Variants in NUP153 observed in about 807,000 individuals in gnomAD.
NUP153 encodes nucleoporin 153.
In NUP153, 27 loss-of-function variants were observed where a neutral mutation model predicts 134.6. The observed-to-expected ratio is 0.20, with a 90% CI of 0.15 to 0.28. The LOEUF (loss-of-function observed/expected upper bound fraction) is 0.28. Among genes scored for constraint, NUP153 ranks in the 10% least tolerant of loss-of-function variants. The pLI is 1.00. For missense variants in NUP153, 1,821 were observed against 1,731.3 expected (o/e 1.05, Z -0.92); for synonymous variants, 640 against 623.5 (o/e 1.03, Z -0.40).
At chr6:17,619,350 T>C (rs1764522591) in intron 20 of NUP153, among the ~76,000 whole-genome samples, 1 of 152,202 alleles carries the variant, frequency 6.6e-6, no homozygotes, top group South Asian at 2.1e-4. Context: ...AGATGTGCTG[T>C]ATCAGAAAAT....
At position 17,666,953 on chromosome 6, in the gene NUP153, T is replaced by C. The variant is rs192800669; in HGVS notation, c.1069-1568A>G. On this transcript the variant is annotated intron_variant, in intron 8 of 21. Coordinates refer to ENST00000262077, the MANE Select transcript of NUP153 (RefSeq NM_005124.4). Reference sequence around the variant, plus strand: ...CCTTACATACAACTCAATAAGAGAGTCTATTTTGTAGACTGTTCTGATAAC... The same window carrying C: ...CCTTACATACAACTCAATAAGAGAGCCTATTTTGTAGACTGTTCTGATAAC... Among the ~76,000 whole-genome samples the C allele has an allele frequency of 3.3e-3, 509 of 152,204 alleles. 2 individuals carry two copies. Among genetic ancestry groups the C allele is most frequent in the Non-Finnish European group, 5.2e-3 (351 of 68,004 alleles).
chr6:17,706,493 T>C lies in NUP153; in HGVS notation c.-106A>G, dbSNP rs1485758445. On this transcript the variant is annotated 5_prime_UTR_variant, in exon 1 of 22. Transcript: ENST00000262077. This position sits in a 1 kb window ranked among gnomAD's most constrained non-coding sequence, Gnocchi z 5.9. ...CCGCCGCCCGGCCCCGGCCCAAAAG[T>C]CCGCCCGCGCTGTCCACACAGTGGG... 1 of 799,380 alleles carries C rather than the reference T, an allele frequency of 1.3e-6. No homozygotes were observed. The highest frequency in any genetic ancestry group is 2.0e-6 in the Non-Finnish European group (1 of 511,186). 49.5% of individuals were successfully genotyped at this position (799,380 alleles called of 1,614,324 possible).
intron 15 of NUP153, among the ~76,000 whole-genome samples, chr6:17,639,079 CCTTT>C (rs963447281): frequency 1.3e-5 from 2 of 151,210 alleles, no homozygotes; most frequent in South Asian, 2.1e-4. Context: ...TTTTTCTTTT[CCTTT>C]CTTTTTTTTT....
At chr6:17,681,890 T>A (rs531315608) in intron 2 of NUP153, among the ~76,000 whole-genome samples, 2 of 151,962 alleles carry the variant, frequency 1.3e-5, no homozygotes, top group African/African-American at 4.8e-5. Context: ...ACCTAGTATA[T>A]ACAGAAACCA....
Position 17,649,143 on chromosome 6 carries a change from T to C in NUP153, c.1533+20A>G, listed in dbSNP as rs1766372711. The stretch of plus-strand genomic sequence containing the variant: ...TAAGAAAGAACAAATGTCACCTGTA[T>C]TTATATAATGGTTTTGTACCTTGTT... On this transcript the variant is annotated intron_variant, in intron 12 of 21. Transcript: ENST00000262077. The C allele has an allele frequency of 1.3e-6, 2 of 1,591,760 alleles. No homozygotes were observed. Among genetic ancestry groups the C allele is most frequent in the Admixed American group, 1.8e-5 (1 of 55,038 alleles).
chr6:17,641,083 C>G (rs1328559466), intron 14 of NUP153, among the ~76,000 whole-genome samples: 1 of 152,152 alleles, frequency 6.6e-6, no homozygotes, highest in Non-Finnish European at 1.5e-5. Flanking sequence ...ATTTAGAGAT[C>G]TACATTTTCA....
At chr6:17,667,749 T>C (rs1767627020) in intron 8 of NUP153, among the ~76,000 whole-genome samples, 1 of 152,140 alleles carries the variant, frequency 6.6e-6, no homozygotes, top group South Asian at 2.1e-4. Flanking sequence ...AATCCAACAG[T>C]CTGCTTTCCC....
Position 17,674,969 on chromosome 6 carries a change from T to C in NUP153, c.788A>G (p.Lys263Arg). The stretch of plus-strand genomic sequence containing the variant: ...AGCTGCTGCCCCACCGTATGTTGTT[T>C]TTCCAGGATAAAAAGGAGAATCTCC... ...QLGDSPFYPG[K>R]TTYGGAAAAV... The change falls in exon 5 of 22, where the codon AAA becomes AGA. Residue 263 changes from lysine (K) to arginine (R), a missense_variant. Lys to Arg is a conservative substitution (Grantham distance 26, BLOSUM62 2). Coordinates refer to ENST00000262077, the MANE Select transcript of NUP153 (RefSeq NM_005124.4). 1 of 1,613,908 alleles carries C rather than the reference T, an allele frequency of 6.2e-7. No homozygotes were observed. The highest frequency in any genetic ancestry group is 1.1e-5 in the South Asian group (1 of 91,066).
chr6:17,686,605 C>T (rs1768948063), intron 2 of NUP153, among the ~76,000 whole-genome samples: 1 of 150,952 alleles, frequency 6.6e-6, no homozygotes, highest in African/African-American at 2.4e-5. Context: ...CCATGTTAGC[C>T]AGGATGGTCT....
At chr6:17,630,710 G>A (rs1265781099) in intron 17 of NUP153, among the ~76,000 whole-genome samples, 5 of 143,632 alleles carry the variant, frequency 3.5e-5, no homozygotes, top group Non-Finnish European at 4.6e-5. Flanking sequence ...GACGGGAGAC[G>A]AGAGGGGAGG....
rs556669168 is a variant in NUP153, at chr6:17,658,137, C to T, written c.1395+3516G>A. 9.2e-5 allele frequency among the ~76,000 whole-genome samples: 14 copies of T among 152,320 alleles called. No individual in the cohort carries two copies. In the South Asian group the frequency reaches 1.7e-3, roughly 18 times the overall value. ...AAAGGAGGCTGGGCGTGATGGCTCA[C>T]GCCTATAATCCCAGCACTCTGGGAG... On this transcript the variant is annotated intron_variant, in intron 11 of 21. Coordinates refer to ENST00000262077, the MANE Select transcript of NUP153 (RefSeq NM_005124.4).
At chr6:17,665,097 T>C (rs554353808) in intron 9 of NUP153, 142 bp downstream of exon 9, 2 of 384,324 alleles carry the variant, frequency 5.2e-6, no homozygotes, top group African/African-American at 2.2e-5. Context: ...TTTAAAAGCA[T>C]ACCAATTCAT....
At chr6:17,626,806 T>C (rs1314983134) in intron 18 of NUP153, among the ~76,000 whole-genome samples, 1 of 152,204 alleles carries the variant, frequency 6.6e-6, no homozygotes, top group Non-Finnish European at 1.5e-5. Context: ...AATTTTAGAA[T>C]AAGTTTAGCT....
intron 11 of NUP153, among the ~76,000 whole-genome samples, chr6:17,660,561 T>C (rs908373860): frequency 6.6e-6 from 1 of 151,558 alleles, no homozygotes; most frequent in Non-Finnish European, 1.5e-5. Flanking sequence ...TATATACATA[T>C]ACATACATAT....
Position 17,637,357 on chromosome 6 carries a change from C to T in NUP153, c.2260G>A (p.Val754Met), listed in dbSNP as rs770924806. The T allele has an allele frequency of 1.7e-5, 27 of 1,614,212 alleles. No individual in the cohort carries two copies. Among genetic ancestry groups the T allele is most frequent in the East Asian group, 1.6e-4 (7 of 44,878 alleles). ...ACETPKPGTC[V>M]KRALTLTVVS... ...ACTGTCAATGTAAGGGCTCGCTTCA[C>T]ACAAGTTCCAGGTTTCGGTGTTTCA... The change falls in exon 16 of 22, where the codon GTG (valine) becomes ATG (methionine). Residue 754 changes from valine (V) to methionine (M), a missense_variant. Coordinates refer to ENST00000262077, the MANE Select transcript of NUP153 (RefSeq NM_005124.4).
chr6:17,665,877 CAGGGTCTCG>C (rs1767505393), intron 8 of NUP153, among the ~76,000 whole-genome samples: 1 of 151,862 alleles, frequency 6.6e-6, no homozygotes. Context: ...TTTGTAGAGA[CAGGGTCTCG>C]CCATGTTGCT....
chr6:17,669,293 A>G lies in NUP153; in HGVS notation c.1014T>C (p.Ser338=). 1 of 1,609,628 alleles carries G rather than the reference A, an allele frequency of 6.2e-7. No individual in the cohort carries two copies. The highest frequency in any genetic ancestry group is 1.1e-5 in the South Asian group (1 of 90,776). Residue 338 remains serine, a splice_region_variant and synonymous_variant, in exon 7 of 22, where the codon TCT becomes TCC. Transcript: ENST00000262077. ...TAAAAAGGTTTAAATCTCAACTTACAGAATTCAGAGGAGAAGAAACAATGG... is the reference window on the plus strand; with the variant it reads ...TAAAAAGGTTTAAATCTCAACTTACGGAATTCAGAGGAGAAGAAACAATGG... ...IPSIVSSPLN[S]PLDRSGIDIT...
At chr6:17,651,350 A>G (rs1223721818) in intron 11 of NUP153, among the ~76,000 whole-genome samples, 1 of 151,936 alleles carries the variant, frequency 6.6e-6, no homozygotes, top group African/African-American at 2.4e-5. Context: ...AATAAATATT[A>G]AATAATTAAA....
intron 9 of NUP153, among the ~76,000 whole-genome samples, chr6:17,664,019 T>A (rs9477503): frequency 0.45 from 67,993 of 151,750 alleles, 16,090 homozygotes; most frequent in Middle Eastern, 0.74. Flanking sequence ...CCAACCCCAA[T>A]GTCCTTCAAG....
Sources: gnomAD v4.1 joint callset for allele counts (sites outside exome capture counted in the v4.1 genomes callset) on GRCh38, gnomAD v4.1.1 for gene constraint, Gnocchi (gnomAD v3.1) non-coding constraint, MANE v1.5 for transcripts, NCBI Gene and HGNC (gene_info 2026-07-23, HGNC 2026-07-21) for gene names.